The following NFRKB variants were observed in gnomAD, a reference collection of about 807,000 sequenced individuals.
The protein encoded by NFRKB is nuclear factor related to kappa-B-binding protein.
Under a neutral mutation model 135.7 loss-of-function variants are expected in NFRKB, and 62 were observed. The ratio of observed to expected loss-of-function variants is 0.46; its 90% confidence interval spans 0.37 to 0.56. NFRKB has a LOEUF of 0.56. Ranked by LOEUF, NFRKB falls within the 20% of genes least tolerant of loss-of-function variation. The pLI, the probability that NFRKB is intolerant of heterozygous loss-of-function variation, is 0.00. For missense variants in NFRKB, 1,545 were observed against 1,662.0 expected (o/e 0.93, Z 1.22); for synonymous variants, 678 against 635.6 (o/e 1.07, Z -1.00).
Position 129,864,656 on chromosome 11 carries a change from C to A in NFRKB, c.*69G>T, listed in dbSNP as rs1948103263. 2 of 1,600,124 alleles carry A rather than the reference C, an allele frequency of 1.2e-6. No individual in the cohort carries two copies. The highest frequency in any genetic ancestry group is 1.3e-5 in the African/African-American group (1 of 74,668). ...AGGCAAGCTTAAAACAATGATGCAACCTCCCTGGTCCCTTCTCAGCCAGGA... is the reference window on the plus strand; with the variant it reads ...AGGCAAGCTTAAAACAATGATGCAAACTCCCTGGTCCCTTCTCAGCCAGGA... On this transcript the variant is annotated 3_prime_UTR_variant, in exon 27 of 27. Transcript: ENST00000682444.
At position 129,892,550 on chromosome 11, in the gene NFRKB, T is replaced by C. The variant is rs141765693; in HGVS notation, c.135+165A>G. ...TTTTCTTCCTTAATCGGATATTAAA[T>C]AGACTCTAAACTTAAAAAAAAGATA... On this transcript the variant is annotated intron_variant, in intron 3 of 26. Coordinates refer to ENST00000682444, the MANE Select transcript of NFRKB (RefSeq NM_001143835.2). Among the ~76,000 whole-genome samples the C allele has an allele frequency of 4.8e-3, 727 of 152,174 alleles. 7 individuals carry two copies. Among genetic ancestry groups the C allele is most frequent in the African/African-American group, 0.017 (687 of 41,508 alleles).
intron 24 of NFRKB, among the ~76,000 whole-genome samples, chr11:129,868,866 C>A (rs1948346911): frequency 6.6e-6 from 1 of 152,122 alleles, no homozygotes; most frequent in Non-Finnish European, 1.5e-5. Context: ...ACTAAAAACA[C>A]AAAATAAGCC....
chr11:129,866,337 A>C (rs1177800673), intron 24 of NFRKB, among the ~76,000 whole-genome samples: 1 of 152,142 alleles, frequency 6.6e-6, no homozygotes, highest in Non-Finnish European at 1.5e-5. Flanking sequence ...ACAGAGGCTT[A>C]TCTCTGTATC....
intron 3 of NFRKB, among the ~76,000 whole-genome samples, chr11:129,889,314 C>A (rs1949427624): frequency 6.6e-6 from 1 of 152,088 alleles, no homozygotes; most frequent in South Asian, 2.1e-4. Flanking sequence ...TTAAAGACTA[C>A]ATATGAGCCA....
Position 129,884,836 on chromosome 11 carries a change from T to C in NFRKB, c.651A>G (p.Ser217=), listed in dbSNP as rs145747064. 18 of 1,613,548 alleles carry C rather than the reference T, an allele frequency of 1.1e-5. No homozygotes were observed. The Admixed American group carries it at 1.8e-4, about 16-fold the overall frequency. Residue 217 remains serine, a synonymous_variant, in exon 7 of 27, where the codon TCA becomes TCG. Coordinates refer to ENST00000682444, the MANE Select transcript of NFRKB (RefSeq NM_001143835.2). ...AACGTGCTGGAGAGCTCGGAAGCCA[T>C]GAGCTGAGATCTTCAAAAGAAAATT... ...ALSSDEEDLS[S]WLPSSPARSP...
intron 22 of NFRKB, 94 bp downstream of exon 22, chr11:129,873,651 C>T: frequency 6.6e-7 from 1 of 1,507,942 alleles, no homozygotes; most frequent in South Asian, 1.2e-5. Flanking sequence ...ATCTATGGCT[C>T]CCCAGTCCTT....
At chr11:129,884,617 C>A in intron 7 of NFRKB, 128 bp downstream of exon 7, 1 of 1,055,496 alleles carries the variant, frequency 9.5e-7, no homozygotes, top group Non-Finnish European at 1.4e-6. Context: ...CCAAACAAAT[C>A]ACCTAGTTCT....
At chr11:129,878,809 G>A (rs537157242) in intron 13 of NFRKB, among the ~76,000 whole-genome samples, 14 of 152,336 alleles carry the variant, frequency 9.2e-5, no homozygotes, top group African/African-American at 2.2e-4. Context: ...AAGGTTACTC[G>A]GTGAATTCAG....
At chr11:129,892,175 AC>A (rs1168454896) in intron 3 of NFRKB, among the ~76,000 whole-genome samples, 1 of 152,132 alleles carries the variant, frequency 6.6e-6, no homozygotes, top group African/African-American at 2.4e-5. Context: ...TGTACACTGC[AC>A]CCAATGTGTA....
chr11:129,894,158 A>G (rs1200973616), intron 2 of NFRKB: 2 of 152,274 alleles, frequency 1.3e-5, no homozygotes, highest in African/African-American at 4.8e-5. Context: ...ATAGCACAGG[A>G]CTGCACAATG....
Position 129,869,665 on chromosome 11 carries a change from C to T in NFRKB, c.3360G>A (p.Gly1120=), listed in dbSNP as rs530737903. The T allele has an allele frequency of 6.2e-6, 10 of 1,614,178 alleles. No homozygotes were observed. In the African/African-American group the frequency reaches 9.3e-5, roughly 15 times the overall value. Residue 1120 remains glycine (G), a synonymous_variant, in exon 24 of 27, where the codon GGG becomes GGA. Transcript: ENST00000682444. The part of the protein sequence containing the change: ...HAKQGASVAS[G]SGTVHTSAVS... ...CCGCTGAAGTATGGACAGTTCCAGACCCACTGGCCACCGAGGCCCCTTGCT... is the reference window on the plus strand; with the variant it reads ...CCGCTGAAGTATGGACAGTTCCAGATCCACTGGCCACCGAGGCCCCTTGCT...
rs759681839 is a variant in NFRKB, at chr11:129,869,861, C to A, written c.3164G>T (p.Ser1055Ile). Reference protein sequence around the residue: ...TPDLKPTEASSSAFRLMPALG... With the variant: ...TPDLKPTEASISAFRLMPALG... ...AGCTGGCATCAAGCGAAAAGCCGAA[C>A]TTGAGGCTTCTGTTGGCTTGAGGTC... is the stretch of plus-strand genomic sequence containing the variant. The change falls in exon 24 of 27, where the codon AGT becomes ATT. Residue 1055 changes from serine (S) to isoleucine (I), a missense_variant. Physicochemically the swap from Ser to Ile is moderately radical, Grantham distance 142. Transcript: ENST00000682444. 6.2e-7 allele frequency: 1 copy of A among 1,614,246 alleles called. No homozygotes were observed. The highest frequency in any genetic ancestry group is 8.5e-7 in the Non-Finnish European group (1 of 1,180,050).
Position 129,886,352 on chromosome 11 carries a change from G to A in NFRKB, c.430C>T (p.His144Tyr). The A allele has an allele frequency of 1.9e-6, 3 of 1,614,120 alleles. No homozygotes were observed. The highest frequency in any genetic ancestry group is 2.5e-6 in the Non-Finnish European group (3 of 1,180,000). The change falls in exon 5 of 27, where the codon CAT becomes TAT. Residue 144 changes from histidine (H) to tyrosine (Y), a missense_variant. By Grantham distance (83) the His-to-Tyr change is moderately conservative. Coordinates refer to ENST00000682444, the MANE Select transcript of NFRKB (RefSeq NM_001143835.2). Reference protein sequence around the residue: ...RYLNSQQQYFHRLLKQILASR... With the variant: ...RYLNSQQQYFYRLLKQILASR... ...GCAAGAATTTGCTTCAGCAGCCGAT[G>A]GAAATACTGCTGCTGGGAGTTGAGG...
chr11:129,885,998 T>A (rs925930222), intron 5 of NFRKB, among the ~76,000 whole-genome samples: 1 of 152,202 alleles, frequency 6.6e-6, no homozygotes, highest in South Asian at 2.1e-4. Flanking sequence ...ATGCACACTT[T>A]CATATCCATT....
At chr11:129,882,765 C>A in intron 9 of NFRKB, 134 bp from the exon 10 acceptor site, 2 of 900,524 alleles carry the variant, frequency 2.2e-6, no homozygotes, top group Non-Finnish European at 3.4e-6. Flanking sequence ...TCAATGAAAC[C>A]AAATTCATTG....
rs201234470 is a variant in NFRKB at position 129,884,879 on chromosome 11, G to A, written c.641-33C>T. 1.2e-5 allele frequency: 19 copies of A among 1,613,976 alleles called. No individual in the cohort carries two copies. The East Asian group carries it at 1.8e-4, about 15-fold the overall frequency. On this transcript the variant is annotated intron_variant, in intron 6 of 26. Transcript: ENST00000682444. ...AGAAAATTGTTCTTGTAAATCCAAC[G>A]TGGCTGTGGACTCCAATAGGGGAGA...
chr11:129,894,361 C>T lies in NFRKB; in HGVS notation c.-24G>A, dbSNP rs1269069003. 3.3e-5 allele frequency: 5 copies of T among 152,244 alleles called. No individual in the cohort carries two copies. Among genetic ancestry groups the T allele is most frequent in the Admixed American group, 6.5e-5 (1 of 15,288 alleles). The allele number at this position is 152,244 out of a possible 1,614,324, so 9.4% of individuals were successfully genotyped here. A position where few individuals can be genotyped will look rare whatever the true frequency, so the allele number is the denominator to read the frequency against. Reference sequence around the variant, plus strand: ...ACACCACATTCCACAAATCTTACCACGCCAGGTGTCAATTTCCTTATTTGA... The same window carrying T: ...ACACCACATTCCACAAATCTTACCATGCCAGGTGTCAATTTCCTTATTTGA... On this transcript the variant is annotated splice_region_variant and 5_prime_UTR_variant, in exon 2 of 27. In the 5' UTR this introduces an upstream ATG that the reference lacks. Coordinates refer to ENST00000682444, the MANE Select transcript of NFRKB (RefSeq NM_001143835.2).
chr11:129,879,307 T>C (rs1948918432), intron 13 of NFRKB, among the ~76,000 whole-genome samples: 1 of 152,212 alleles, frequency 6.6e-6, no homozygotes, highest in South Asian at 2.1e-4. Context: ...CTAAAGCATC[T>C]GGCCGACAAG....
At chr11:129,876,932 A>G in intron 16 of NFRKB, 37 bp from the exon 17 acceptor site, 1 of 1,586,686 alleles carries the variant, frequency 6.3e-7, no homozygotes, top group Non-Finnish European at 8.6e-7. Context: ...CTAGGTCAGA[A>G]TTAGTGGGGT....
Sources: gnomAD v4.1 joint callset for allele counts (sites outside exome capture counted in the v4.1 genomes callset) on GRCh38, gnomAD v4.1.1 for gene constraint, MANE v1.5 for transcripts, NCBI Gene and HGNC (gene_info 2026-07-23, HGNC 2026-07-21) for gene names.